MAEA: variants seen among roughly 807,000 people sequenced by gnomAD.
The protein encoded by MAEA is E3 ubiquitin-protein transferase MAEA.
In MAEA, 22 loss-of-function variants were observed where a neutral mutation model predicts 46.2. That is an observed-to-expected ratio of 0.48 (90% CI 0.34 to 0.68). MAEA has a LOEUF of 0.68. Among genes scored for constraint, MAEA ranks in the 30% least tolerant of loss-of-function variants. The pLI is 0.01. For synonymous variants in MAEA, 246 were observed against 222.6 expected (o/e 1.11, Z -0.94); for missense variants, 393 against 558.1 (o/e 0.70, Z 2.98).
At chr4:1,332,953 C>CG in intron 6 of MAEA, 88 bp downstream of exon 6, 1 of 1,005,082 alleles carries the variant, frequency 9.9e-7, no homozygotes, top group Non-Finnish European at 1.5e-6. Context: ...ACACGTGGGG[C>CG]GGGACGTGAG....
In MAEA at chr4:1,327,711, T is replaced by C. The variant is rs1471031688; in HGVS notation, c.656+8T>C. 1 of 1,612,676 alleles carries C rather than the reference T, an allele frequency of 6.2e-7. No homozygotes were observed. The highest frequency in any genetic ancestry group is 1.3e-5 in the African/African-American group (1 of 75,044). ...GAGACTGGACGCTGTGAGGTAGGCA[T>C]TGCGGACGTGCGTCTCCTCGAGGGA... On this transcript the variant is annotated splice_region_variant and intron_variant, in intron 5 of 8. Coordinates refer to ENST00000303400, the MANE Select transcript of MAEA (RefSeq NM_001017405.3).
At chr4:1,313,063 C>G (rs1263891929) in intron 2 of MAEA, among the ~76,000 whole-genome samples, 1 of 152,198 alleles carries the variant, frequency 6.6e-6, no homozygotes, top group Non-Finnish European at 1.5e-5. Flanking sequence ...CCCCACGGTA[C>G]TACAGCTCAG....
chr4:1,325,486 A>C (rs1449376014), intron 4 of MAEA, among the ~76,000 whole-genome samples: 1 of 152,196 alleles, frequency 6.6e-6, no homozygotes, highest in Non-Finnish European at 1.5e-5. Context: ...AAAGTAACCT[A>C]CTAGAGCAAA....
chr4:1,294,992 G>T (rs1734495868), intron 1 of MAEA, among the ~76,000 whole-genome samples: 2 of 152,134 alleles, frequency 1.3e-5, no homozygotes, highest in African/African-American at 4.8e-5. Flanking sequence ...TGTGGCTGGG[G>T]GTGTCCCAGA....
intron 2 of MAEA, among the ~76,000 whole-genome samples, chr4:1,314,178 A>C (rs1560351366): frequency 1.3e-5 from 2 of 151,646 alleles, no homozygotes; most frequent in South Asian, 4.1e-4. Context: ...AAATACAAAA[A>C]AATTAGCCGG....
intron 5 of MAEA, chr4:1,328,536 C>T: frequency 9.9e-7 from 1 of 1,010,972 alleles, no homozygotes; most frequent in Non-Finnish European, 1.3e-6. Flanking sequence ...CTGGCTGGCC[C>T]TCAGCTCCCG....
chr4:1,335,202 G>C (rs192250057), intron 6 of MAEA: 2 of 985,300 alleles, frequency 2.0e-6, no homozygotes, highest in Admixed American at 1.2e-4. Flanking sequence ...AACATGGACC[G>C]GTTGTTTTCC....
intron 6 of MAEA, among the ~76,000 whole-genome samples, chr4:1,334,258 T>C (rs1712437156): frequency 6.7e-6 from 1 of 149,742 alleles, no homozygotes; most frequent in Non-Finnish European, 1.5e-5. Context: ...GTTTGTTCTC[T>C]GAGCCTGGCA....
intron 3 of MAEA, among the ~76,000 whole-genome samples, chr4:1,319,330 G>A (rs1029953826): frequency 3.3e-5 from 5 of 151,664 alleles, no homozygotes; most frequent in African/African-American, 1.2e-4. Context: ...TCCAGCCTGG[G>A]CAACAGGACA....
chr4:1,303,232 C>CAAAA lies in MAEA; in HGVS notation c.70-8727_70-8724dup, dbSNP rs71168823. On this transcript the variant is annotated intron_variant, in intron 1 of 8. Coordinates refer to ENST00000303400, the MANE Select transcript of MAEA (RefSeq NM_001017405.3). ...TGAAACCCCGTCTCTACTAAAAATACAAAAAAAAAAAAAAAAAAAAAAAGC... is the reference window on the plus strand; with the variant it reads ...TGAAACCCCGTCTCTACTAAAAATACAAAAAAAAAAAAAAAAAAAAAAAAAAAGC... 1.8e-3 allele frequency among the ~76,000 whole-genome samples: 119 copies of CAAAA among 65,626 alleles called. 1 individual carries two copies. Among genetic ancestry groups the CAAAA allele is most frequent in the East Asian group, 3.9e-3 (12 of 3,046 alleles). The allele number at this position is 65,626 out of a possible 152,430, so 43.1% of individuals were successfully genotyped here.
chr4:1,290,806 G>T (rs558048153), intron 1 of MAEA, among the ~76,000 whole-genome samples: 85 of 152,356 alleles, frequency 5.6e-4, no homozygotes, highest in Non-Finnish European at 9.8e-4. Flanking sequence ...GGAGGATGCA[G>T]TATGGCCAGG....
rs971076228 is a variant in MAEA at position 1,317,760 on chromosome 4, G to A, written c.456+2160G>A. ...AGCTGTGCCATGAGTTGATCTGCCA[G>A]ATGGCAAAGTGCACTGATCCTCTGC... On this transcript the variant is annotated intron_variant, in intron 3 of 8. Transcript: ENST00000303400. 5.9e-5 allele frequency among the ~76,000 whole-genome samples: 9 copies of A among 152,358 alleles called. No individual in the cohort carries two copies. In the East Asian group the frequency reaches 1.7e-3, roughly 29 times the overall value.
chr4:1,298,366 C>T (rs984342899), intron 1 of MAEA, among the ~76,000 whole-genome samples: 15 of 152,344 alleles, frequency 9.8e-5, no homozygotes, highest in African/African-American at 2.9e-4. Context: ...GCACACGCGC[C>T]GTCTTCTGGT....
intron 4 of MAEA, among the ~76,000 whole-genome samples, chr4:1,325,229 C>CT (rs1386253676): frequency 6.6e-6 from 1 of 152,168 alleles, no homozygotes; most frequent in Non-Finnish European, 1.5e-5. Context: ...TTTGACCTGG[C>CT]TGAGAGATGG....
chr4:1,329,425 T>C, intron 5 of MAEA: 1 of 985,426 alleles, frequency 1.0e-6, no homozygotes. Context: ...CTGTGCCCTC[T>C]GCGGCCTCGT....
intron 3 of MAEA, among the ~76,000 whole-genome samples, chr4:1,319,804 C>T (rs1033334801): frequency 4.6e-5 from 7 of 151,972 alleles, no homozygotes; most frequent in South Asian, 2.1e-4. Flanking sequence ...ACCCAACATT[C>T]GCCTGCCCTG....
intron 1 of MAEA, chr4:1,310,032 G>T (rs759564588): frequency 8.6e-7 from 1 of 1,168,646 alleles, no homozygotes; most frequent in Admixed American, 4.4e-5. Flanking sequence ...CCGCGCGAGC[G>T]AGGGTGGTTG....
chr4:1,312,312 C>G, intron 2 of MAEA, 151 bp downstream of exon 2: 1 of 811,512 alleles, frequency 1.2e-6, no homozygotes. Context: ...TCTGGGGCCA[C>G]TGTCGGCTGA....
At chr4:1,310,833 A>C (rs952189064) in intron 1 of MAEA, among the ~76,000 whole-genome samples, 2 of 151,672 alleles carry the variant, frequency 1.3e-5, no homozygotes, top group Non-Finnish European at 2.9e-5. Context: ...TTTCGGGGGG[A>C]AAGTGAGTCT....
Sources: gnomAD v4.1 joint callset for allele counts (sites outside exome capture counted in the v4.1 genomes callset) on GRCh38, gnomAD v4.1.1 for gene constraint, MANE v1.5 for transcripts, NCBI Gene and HGNC (gene_info 2026-07-23, HGNC 2026-07-21) for gene names.